Variants in TMEM154 observed in about 807,000 individuals in gnomAD.
TMEM154 encodes the protein transmembrane protein 154.
In TMEM154, 27 loss-of-function variants were observed where a neutral mutation model predicts 24.5. The observed-to-expected ratio is 1.10, with a 90% CI of 0.81 to 1.52. The LOEUF is 1.52. TMEM154 is among the 40% of genes most tolerant of loss of function. The pLI is 0.00. For synonymous variants in TMEM154, 67 were observed against 76.8 expected (o/e 0.87, Z 0.67); for missense variants, 228 against 213.4 (o/e 1.07, Z -0.43).
In TMEM154 at chr4:152,623,985, A is replaced by G. The variant is rs549385563; in HGVS notation, c.*4561T>C. The G allele has an allele frequency of 1.3e-5, 2 of 152,236 alleles. No homozygotes were observed. Among genetic ancestry groups the G allele is most frequent in the Admixed American group, 6.5e-5 (1 of 15,290 alleles). 9.4% of individuals were successfully genotyped at this position (152,236 alleles called of 1,614,324 possible). On this transcript the variant is annotated 3_prime_UTR_variant, in exon 7 of 7. Coordinates refer to ENST00000304385, the MANE Select transcript of TMEM154 (RefSeq NM_152680.3). ...TAAAGGCCAATGATAAGGTGATATGAACTGAGGAGTACCATTACCCAAGCC... is the reference window on the plus strand; with the variant it reads ...TAAAGGCCAATGATAAGGTGATATGGACTGAGGAGTACCATTACCCAAGCC...
At chr4:152,678,496 C>G (rs1394225756) in intron 1 of TMEM154, among the ~76,000 whole-genome samples, 1 of 124,214 alleles carries the variant, frequency 8.1e-6, no homozygotes, top group Non-Finnish European at 1.6e-5. Flanking sequence ...TTCCAGAGCT[C>G]TTGGCAGAGA....
chr4:152,629,863 G>A (rs975281293), intron 6 of TMEM154, among the ~76,000 whole-genome samples: 1 of 152,120 alleles, frequency 6.6e-6, no homozygotes, highest in Non-Finnish European at 1.5e-5. Flanking sequence ...GATAATGGAT[G>A]GATCGATCCA....
chr4:152,673,251 CCTTTTTTT>C (rs1300451787), intron 1 of TMEM154, among the ~76,000 whole-genome samples: 2 of 151,812 alleles, frequency 1.3e-5, no homozygotes, highest in Non-Finnish European at 2.9e-5. Context: ...GCATAGTAAT[CCTTTTTTT>C]CTTTTTTTTT....
rs1328976057 is a variant in TMEM154 at position 152,628,498 on chromosome 4, A to G, written c.*48T>C. 6.8e-7 allele frequency: 1 copy of G among 1,470,810 alleles called. No individual in the cohort carries two copies. Among genetic ancestry groups the G allele is most frequent in the Non-Finnish European group, 9.1e-7 (1 of 1,094,514 alleles). The allele number at this position is 1,470,810 out of a possible 1,614,324, so 91.1% of individuals were successfully genotyped here. ...CATCCTCTGTTGGCAGCCTCAGCAGACTCCCTCAGGGGCTGCTTCTCTTGG... is the reference window on the plus strand; with the variant it reads ...CATCCTCTGTTGGCAGCCTCAGCAGGCTCCCTCAGGGGCTGCTTCTCTTGG... On this transcript the variant is annotated 3_prime_UTR_variant, in exon 7 of 7. Transcript: ENST00000304385.
Position 152,623,725 on chromosome 4 carries a change from C to T in TMEM154, c.*4821G>A, listed in dbSNP as rs540897626. The T allele has an allele frequency of 6.6e-6, 1 of 152,140 alleles. No homozygotes were observed. The highest frequency in any genetic ancestry group is 1.9e-4 in the East Asian group (1 of 5,176). The allele number at this position is 152,140 out of a possible 1,614,324, so 9.4% of individuals were successfully genotyped here. On this transcript the variant is annotated 3_prime_UTR_variant, in exon 7 of 7. Coordinates refer to ENST00000304385, the MANE Select transcript of TMEM154 (RefSeq NM_152680.3). ...CGAAACCCTGTCTCTACTAAAAATA[C>T]AAAAATTAGTTGTGCATGCAGTTGT...
intron 3 of TMEM154, among the ~76,000 whole-genome samples, chr4:152,651,338 A>G (rs1728379114): frequency 1.3e-5 from 2 of 152,162 alleles, no homozygotes; most frequent in African/African-American, 4.8e-5. Context: ...TTCTTCCAAC[A>G]GAGGACTGTT....
intron 1 of TMEM154, among the ~76,000 whole-genome samples, chr4:152,675,352 G>C (rs1183879637): frequency 6.6e-6 from 1 of 152,180 alleles, no homozygotes; most frequent in Non-Finnish European, 1.5e-5. Context: ...CATAGGCCAG[G>C]TGAGGTGGCT....
At chr4:152,659,399 G>A (rs556039317) in intron 1 of TMEM154, among the ~76,000 whole-genome samples, 1 of 152,236 alleles carries the variant, frequency 6.6e-6, no homozygotes, top group Non-Finnish European at 1.5e-5. Context: ...AGAGAGGTTG[G>A]TTAATGGGTA....
intron 1 of TMEM154, among the ~76,000 whole-genome samples, chr4:152,672,090 T>TAA (rs11290618): frequency 4.1e-3 from 414 of 101,874 alleles, no homozygotes; most frequent in Non-Finnish European, 6.7e-3. Context: ...CCTATCTCTA[T>TAA]AAAAAAAAAA....
chr4:152,668,726 C>G (rs1196142771), intron 1 of TMEM154: 1 of 152,426 alleles, frequency 6.6e-6, no homozygotes, highest in African/African-American at 2.4e-5. Context: ...TGGTCGCCAC[C>G]AAGAGTGAAG....
At chr4:152,675,943 C>T (rs1367418676) in intron 1 of TMEM154, among the ~76,000 whole-genome samples, 1 of 152,192 alleles carries the variant, frequency 6.6e-6, no homozygotes, top group Non-Finnish European at 1.5e-5. Context: ...CTCATCCTCT[C>T]TGTCTGTTTT....
chr4:152,671,818 G>T (rs534338247), intron 1 of TMEM154, among the ~76,000 whole-genome samples: 6 of 151,642 alleles, frequency 4.0e-5, no homozygotes, highest in African/African-American at 1.4e-4. Context: ...AACTGGCAGG[G>T]AGCAAAGAAT....
intron 1 of TMEM154, among the ~76,000 whole-genome samples, chr4:152,675,835 T>G (rs1281007696): frequency 6.6e-6 from 1 of 152,216 alleles, no homozygotes; most frequent in African/African-American, 2.4e-5. Context: ...AGCTGCAGTT[T>G]GCATTGCTTC....
rs777129637 is a variant in TMEM154 at position 152,643,075 on chromosome 4, G to A, written c.478+13C>T. On this transcript the variant is annotated intron_variant, in intron 5 of 6. Coordinates refer to ENST00000304385, the MANE Select transcript of TMEM154 (RefSeq NM_152680.3). ...AGAGGAAAGAAAAAAAACAACTTTA[G>A]GTTACCACATACCATTTCTATTCAT... The A allele has an allele frequency of 5.0e-6, 8 of 1,602,100 alleles. No homozygotes were observed. The Admixed American group carries it at 1.0e-4, about 21-fold the overall frequency.
intron 6 of TMEM154, among the ~76,000 whole-genome samples, chr4:152,636,757 G>T (rs1436205391): frequency 6.6e-6 from 1 of 152,206 alleles, no homozygotes. Flanking sequence ...GTGGTCGTAG[G>T]TTCTATGGAC....
At chr4:152,630,698 T>C (rs995712628) in intron 6 of TMEM154, among the ~76,000 whole-genome samples, 2 of 152,198 alleles carry the variant, frequency 1.3e-5, no homozygotes, top group Non-Finnish European at 2.9e-5. Context: ...AGTTAATTAT[T>C]ATAAAATTTG....
At chr4:152,659,515 C>G (rs768922518) in intron 1 of TMEM154, among the ~76,000 whole-genome samples, 15 of 152,158 alleles carry the variant, frequency 9.9e-5, no homozygotes, top group Non-Finnish European at 2.2e-4. Flanking sequence ...GAAGACAGGA[C>G]TTGAAATGTC....
rs188137065 is a variant in TMEM154 at position 152,664,076 on chromosome 4, C to G, written c.65-11149G>C. On this transcript the variant is annotated intron_variant, in intron 1 of 6. Transcript: ENST00000304385. ...TTCTGAAAGTGAAACAAATGTGCAA[C>G]CAACACATACGTGCACTGTTTACAA... 1.8e-3 allele frequency among the ~76,000 whole-genome samples: 276 copies of G among 152,288 alleles called. 1 individual carries two copies. The highest frequency in any genetic ancestry group is 6.2e-3 in the African/African-American group (258 of 41,548).
rs949157538 is a variant in TMEM154, at chr4:152,627,108, C to A, written c.*1438G>T. 10 of 152,194 alleles carry A rather than the reference C, an allele frequency of 6.6e-5. No homozygotes were observed. The East Asian group carries it at 1.9e-3, about 29-fold the overall frequency. The allele number at this position is 152,194 out of a possible 1,614,324, so 9.4% of individuals were successfully genotyped here. ...TATAGCTTTCATTGTATGGAAAGACCTCTCTGGTCTGGAACTCTGCCTTTG... is the reference window on the plus strand; with the variant it reads ...TATAGCTTTCATTGTATGGAAAGACATCTCTGGTCTGGAACTCTGCCTTTG... On this transcript the variant is annotated 3_prime_UTR_variant, in exon 7 of 7. Transcript: ENST00000304385.
Sources: gnomAD v4.1 joint callset for allele counts (sites outside exome capture counted in the v4.1 genomes callset) on GRCh38, gnomAD v4.1.1 for gene constraint, MANE v1.5 for transcripts, NCBI Gene and HGNC (gene_info 2026-07-23, HGNC 2026-07-21) for gene names.